The following GLYATL1 variants were observed in gnomAD, a reference collection of about 807,000 sequenced individuals.
GLYATL1 encodes glycine-N-acyltransferase like 1.
Under a neutral mutation model 20.0 loss-of-function variants are expected in GLYATL1, and 15 were observed. The ratio of observed to expected loss-of-function variants is 0.75; its 90% CI spans 0.50 to 1.15. The LOEUF is 1.15. GLYATL1 is among the 50% of genes most tolerant of loss of function. The pLI is 0.00. For synonymous variants in GLYATL1, 151 were observed against 131.5 expected (o/e 1.15, Z -1.01); for missense variants, 380 against 368.5 (o/e 1.03, Z -0.26).
chr11:58,951,133 G>A (rs775034830), intron 4 of GLYATL1, among the ~76,000 whole-genome samples: 2 of 151,780 alleles, frequency 1.3e-5, no homozygotes, highest in East Asian at 1.9e-4. Context: ...TTTGCTACTC[G>A]AAGATCATAC....
upstream of GLYATL1, among the ~76,000 whole-genome samples, chr11:58,925,767 A>G (rs181538174): frequency 6.6e-6 from 1 of 152,332 alleles, no homozygotes. Context: ...TTAGAAAATT[A>G]TGGGTAAACA....
In GLYATL1 at chr11:58,955,644, G is replaced by A. The variant is rs1565137659; in HGVS notation, c.526G>A (p.Val176Ile). ...CAACTTTAAGTATGCCCAGCTGGATGTCTCTTATTCTGGGCTGGTAAATGA... is the reference window on the plus strand; with the variant it reads ...CAACTTTAAGTATGCCCAGCTGGATATCTCTTATTCTGGGCTGGTAAATGA... ...TPNFKYAQLD[V>I]SYSGLVNDNW... The change falls in exon 7 of 7, where the codon GTC becomes ATC. Residue 176 changes from valine (V) to isoleucine (I), a missense_variant. By Grantham distance (29) the Val-to-Ile change is conservative (BLOSUM62 3). Transcript: ENST00000532726. 10 of 1,614,134 alleles carry A rather than the reference G, an allele frequency of 6.2e-6. No homozygotes were observed. The highest frequency in any genetic ancestry group is 8.5e-6 in the Non-Finnish European group (10 of 1,179,994).
chr11:58,919,459 T>C (rs971326799), intron 1 of GLYATL1, among the ~76,000 whole-genome samples: 3 of 152,210 alleles, frequency 2.0e-5, no homozygotes, highest in African/African-American at 7.2e-5. Flanking sequence ...TAACTTCCAT[T>C]TTATTTTTAA....
chr11:58,946,865 C>G (rs928840660), intron 2 of GLYATL1, 181 bp from the exon 3 acceptor site: 2 of 631,766 alleles, frequency 3.2e-6, no homozygotes. Context: ...AAATCTGACT[C>G]TGGCATTTAT....
chr11:58,939,810 T>TTG (rs989169851), intron 1 of GLYATL1, among the ~76,000 whole-genome samples, 160 bp downstream of exon 1: 6 of 152,118 alleles, frequency 3.9e-5, no homozygotes, highest in Non-Finnish European at 8.8e-5. Context: ...TTGTTTGTCA[T>TTG]TGTGTGTGTG....
At chr11:58,943,425 G>GC (rs1856319220) in intron 1 of GLYATL1, 118 bp from the exon 2 acceptor site, 11 of 1,526,664 alleles carry the variant, frequency 7.2e-6, no homozygotes, top group Non-Finnish European at 9.7e-6. Context: ...TGACCACGAG[G>GC]CACCCCCGGA....
At chr11:58,932,564 G>T (rs1038298791) in intron 1 of GLYATL1, among the ~76,000 whole-genome samples, 28 of 152,256 alleles carry the variant, frequency 1.8e-4, no homozygotes, top group African/African-American at 6.7e-4. Context: ...AGAAAAACTT[G>T]CCACTGCTTT....
chr11:58,935,299 T>A (rs1270540359), upstream of GLYATL1: 2 of 152,228 alleles, frequency 1.3e-5, no homozygotes, highest in Non-Finnish European at 2.9e-5. Context: ...CATTACTGGA[T>A]TTTACTGAAG....
chr11:58,925,359 C>T (rs1041815666), upstream of GLYATL1, among the ~76,000 whole-genome samples: 4 of 152,198 alleles, frequency 2.6e-5, no homozygotes, highest in African/African-American at 9.6e-5. Flanking sequence ...ACATTTCCTG[C>T]ATGAATCCCT....
upstream of GLYATL1, chr11:58,927,669 T>G (rs1478200220): frequency 7.2e-6 from 1 of 139,012 alleles, no homozygotes; most frequent in African/African-American, 2.5e-5. Flanking sequence ...AGCTCTAGCT[T>G]CTAATGCCCT....
chr11:58,928,783 A>G (rs1590775790), intron 1 of GLYATL1: 1 of 152,232 alleles, frequency 6.6e-6, no homozygotes, highest in African/African-American at 2.4e-5. Flanking sequence ...GATAATTAAC[A>G]TGGTTAAGAG....
At chr11:58,952,901 C>T (rs975806159) in intron 4 of GLYATL1, among the ~76,000 whole-genome samples, 1 of 152,150 alleles carries the variant, frequency 6.6e-6, no homozygotes, top group South Asian at 2.1e-4. Context: ...ACAGAGTTGC[C>T]ATCCGATCCA....
intron 1 of GLYATL1, chr11:58,905,758 G>GGGGGGGGGGCC: frequency 3.6e-5 from 1 of 27,562 alleles, no homozygotes. Context: ...GGGCGGGTGG[G>GGGGGGGGGGCC]CGCGCAGTCC....
At chr11:58,916,290 TG>T (rs1417539039) in intron 1 of GLYATL1, among the ~76,000 whole-genome samples, 2 of 152,202 alleles carry the variant, frequency 1.3e-5, no homozygotes, top group East Asian at 3.9e-4. Context: ...TTGACATGTT[TG>T]CTTCTCTGAT....
intron 1 of GLYATL1, among the ~76,000 whole-genome samples, chr11:58,916,768 A>G (rs1855182967): frequency 6.6e-6 from 1 of 152,238 alleles, no homozygotes; most frequent in Admixed American, 6.5e-5. Flanking sequence ...AGAATTGGTA[A>G]AAAGGTACAA....
At chr11:58,927,400 T>C (rs1855452503), upstream of GLYATL1, among the ~76,000 whole-genome samples, 1 of 151,958 alleles carries the variant, frequency 6.6e-6, no homozygotes, top group Non-Finnish European at 1.5e-5. Context: ...AGCTAGAGAG[T>C]CAGGCAGGTG....
In GLYATL1 at chr11:58,947,883, A is replaced by G. The variant is rs1856691616; in HGVS notation, c.104A>G (p.Asn35Ser). Reference protein sequence around the residue: ...LKVYGSVYHINHGNPFNMEVL... With the variant: ...LKVYGSVYHISHGNPFNMEVL... ...GTGTATGGCTCTGTGTATCACATCA[A>G]TCACGGGAACCCCTTCAACATGGAG... is the stretch of plus-strand genomic sequence containing the variant. Residue 35 changes from asparagine (N) to serine (S), a missense_variant, in exon 4 of 7, where the codon AAT becomes AGT. Asn to Ser is a conservative substitution (Grantham distance 46, BLOSUM62 1). Transcript: ENST00000532726. 1 of 1,613,544 alleles carries G rather than the reference A, an allele frequency of 6.2e-7. No homozygotes were observed. The highest frequency in any genetic ancestry group is 1.3e-5 in the African/African-American group (1 of 74,832).
chr11:58,913,785 G>A (rs977054628), intron 1 of GLYATL1, among the ~76,000 whole-genome samples: 2 of 152,172 alleles, frequency 1.3e-5, no homozygotes, highest in Non-Finnish European at 2.9e-5. Flanking sequence ...TCAAAGGAGT[G>A]AGCAGGTGAG....
intron 1 of GLYATL1, among the ~76,000 whole-genome samples, chr11:58,930,248 T>G (rs1354077825): frequency 1.3e-5 from 2 of 152,236 alleles, no homozygotes; most frequent in African/African-American, 4.8e-5. Context: ...AAGGGCAACT[T>G]CAAAATCTCA....
Sources: allele counts gnomAD v4.1 joint callset (sites outside exome capture counted in the v4.1 genomes callset), GRCh38; gene constraint gnomAD v4.1.1; transcripts MANE v1.5; gene names NCBI Gene and HGNC (gene_info 2026-07-23, HGNC 2026-07-21).